Variants in SGIP1 observed in about 807,000 individuals in gnomAD.
SGIP1 encodes the protein SH3-containing GRB2-like protein 3-interacting protein 1.
Under a neutral mutation model 107.5 loss-of-function variants are expected in SGIP1, and 38 were observed. That is an observed-to-expected ratio of 0.35 (90% CI 0.27 to 0.46). The LOEUF (loss-of-function observed/expected upper bound fraction) is 0.46, where lower values mean the gene tolerates loss of function less well. SGIP1 is among the 20% of genes least tolerant of loss of function. The pLI is 1.00. For synonymous variants in SGIP1, 365 were observed against 366.1 expected (o/e 1.00, Z 0.03); for missense variants, 929 against 1,019.5 (o/e 0.91, Z 1.21).
chr1:66,690,202 A>G lies in SGIP1; in HGVS notation c.1456A>G (p.Ser486Gly). The change falls in exon 17 of 25, where the codon AGC becomes GGC. Residue 486 changes from serine (S) to glycine (G), a missense_variant. Coordinates refer to ENST00000371037, the MANE Select transcript of SGIP1 (RefSeq NM_032291.4). ...CTTCTCCTTACAGTCCAGACCTTTTAGCCCTCCCATTCATTCTTCCAGCCC... is the reference window on the plus strand; with the variant it reads ...CTTCTCCTTACAGTCCAGACCTTTTGGCCCTCCCATTCATTCTTCCAGCCC... ...PGVGDVSRPF[S>G]PPIHSSSPPP... 1 of 1,614,094 alleles carries G rather than the reference A, an allele frequency of 6.2e-7. No individual in the cohort carries two copies. The highest frequency in any genetic ancestry group is 8.5e-7 in the Non-Finnish European group (1 of 1,179,968).
chr1:66,636,463 C>A (rs1359491761), intron 4 of SGIP1, among the ~76,000 whole-genome samples: 1 of 152,218 alleles, frequency 6.6e-6, no homozygotes, highest in Non-Finnish European at 1.5e-5. Context: ...GTCGGGGATG[C>A]TGACCCTAGC....
chr1:66,583,416 GT>G (rs1001619672), intron 1 of SGIP1, among the ~76,000 whole-genome samples: 11 of 152,174 alleles, frequency 7.2e-5, no homozygotes, highest in African/African-American at 2.6e-4. Context: ...TACTTCCTTA[GT>G]TTGCTCTTAC....
chr1:66,575,008 T>G (rs2060874738), intron 1 of SGIP1, among the ~76,000 whole-genome samples: 4 of 152,160 alleles, frequency 2.6e-5, no homozygotes, highest in Admixed American at 6.5e-5. Context: ...TGTCAAAATG[T>G]GGGCAAGCAT....
chr1:66,741,129 A>G, intron 23 of SGIP1, 143 bp from the exon 24 acceptor site: 3 of 860,680 alleles, frequency 3.5e-6, no homozygotes, highest in Non-Finnish European at 5.1e-6. Flanking sequence ...ATTGCTCATA[A>G]TATTCAATGA....
intron 8 of SGIP1, among the ~76,000 whole-genome samples, chr1:66,667,247 T>C (rs1163231661): frequency 1.3e-5 from 2 of 152,204 alleles, no homozygotes; most frequent in Admixed American, 6.5e-5. Context: ...TAAAGTTTTC[T>C]TGTATGTTTC....
At chr1:66,588,587 A>G (rs1046493607) in intron 1 of SGIP1, among the ~76,000 whole-genome samples, 3 of 151,846 alleles carry the variant, frequency 2.0e-5, no homozygotes, top group Non-Finnish European at 4.4e-5. Context: ...GCAAAATAAA[A>G]GAAATAATAA....
intron 13 of SGIP1, among the ~76,000 whole-genome samples, chr1:66,678,608 A>G (rs1014337561): frequency 5.3e-5 from 8 of 152,218 alleles, no homozygotes; most frequent in African/African-American, 1.9e-4. Flanking sequence ...TCAGAAGCTC[A>G]TAATTAAGAT....
intron 1 of SGIP1, among the ~76,000 whole-genome samples, chr1:66,584,747 T>C (rs771259923): frequency 1.3e-5 from 2 of 152,184 alleles, no homozygotes; most frequent in African/African-American, 4.8e-5. Context: ...GTGGTAGGTA[T>C]ATGAAGCAAG....
chr1:66,575,243 A>C (rs1373910), intron 1 of SGIP1, among the ~76,000 whole-genome samples: 1 of 152,066 alleles, frequency 6.6e-6, no homozygotes, highest in Non-Finnish European at 1.5e-5. Flanking sequence ...GGGAGGGTTT[A>C]TATTAGGTCC....
At chr1:66,674,010 T>A (rs560106354) in intron 12 of SGIP1, among the ~76,000 whole-genome samples, 6 of 151,710 alleles carry the variant, frequency 4.0e-5, no homozygotes, top group South Asian at 4.2e-4. Context: ...TACAAAAAAA[T>A]TTTTAAAATT....
At chr1:66,648,736 T>G (rs2078137632) in intron 7 of SGIP1, among the ~76,000 whole-genome samples, 1 of 152,198 alleles carries the variant, frequency 6.6e-6, no homozygotes. Flanking sequence ...TCTGGCTATC[T>G]GTTTAAATAT....
intron 4 of SGIP1, among the ~76,000 whole-genome samples, chr1:66,638,881 T>C (rs2076273906): frequency 6.6e-6 from 1 of 152,228 alleles, no homozygotes; most frequent in African/African-American, 2.4e-5. Context: ...TGAGATCTGC[T>C]ATGCGCAGTG....
chr1:66,593,423 A>T (rs1024095040), intron 1 of SGIP1, among the ~76,000 whole-genome samples: 1 of 152,214 alleles, frequency 6.6e-6, no homozygotes, highest in Admixed American at 6.5e-5. Context: ...AATGAATAAG[A>T]GTCCCTGTTG....
At chr1:66,677,639 A>G (rs1329695258) in intron 13 of SGIP1, among the ~76,000 whole-genome samples, 2 of 152,218 alleles carry the variant, frequency 1.3e-5, no homozygotes, top group East Asian at 1.9e-4. Flanking sequence ...TTCTTCCAGC[A>G]TGACCCAGGC....
chr1:66,718,703 G>A (rs752977532), intron 18 of SGIP1, among the ~76,000 whole-genome samples: 1 of 152,068 alleles, frequency 6.6e-6, no homozygotes, highest in Admixed American at 6.6e-5. Context: ...ATTTTTAATA[G>A]TGTGAATTAG....
At chr1:66,653,100 G>A (rs927071610) in intron 7 of SGIP1, among the ~76,000 whole-genome samples, 4 of 152,266 alleles carry the variant, frequency 2.6e-5, no homozygotes, top group South Asian at 2.1e-4. Context: ...CAGACCTGCA[G>A]GCAGCTGGAC....
Position 66,677,116 on chromosome 1 carries a change from T to C in SGIP1, c.739+20T>C. 1 of 1,592,950 alleles carries C rather than the reference T, an allele frequency of 6.3e-7. No individual in the cohort carries two copies. The highest frequency in any genetic ancestry group is 8.6e-7 in the Non-Finnish European group (1 of 1,164,008). On this transcript the variant is annotated intron_variant, in intron 13 of 24. Transcript: ENST00000371037. ...CTGGAAGTAAGTTATGTGTCTGCTCTGTCTGGAAAAATAAGTGACTCATTT... is the reference window on the plus strand; with the variant it reads ...CTGGAAGTAAGTTATGTGTCTGCTCCGTCTGGAAAAATAAGTGACTCATTT...
intron 18 of SGIP1, 56 bp downstream of exon 18, chr1:66,695,549 C>T: frequency 6.5e-7 from 1 of 1,548,816 alleles, no homozygotes; most frequent in Non-Finnish European, 8.9e-7. Flanking sequence ...ATCCTTATTT[C>T]CCCATTTGCA....
intron 18 of SGIP1, among the ~76,000 whole-genome samples, chr1:66,712,994 G>A (rs923155570): frequency 2.7e-4 from 41 of 152,192 alleles, no homozygotes; most frequent in African/African-American, 8.7e-4. Context: ...CATCCTTCTA[G>A]GGGGTATCAC....
Sources: allele counts gnomAD v4.1 joint callset (sites outside exome capture counted in the v4.1 genomes callset), GRCh38; gene constraint gnomAD v4.1.1; transcripts MANE v1.5; gene names NCBI Gene and HGNC (gene_info 2026-07-23, HGNC 2026-07-21).